SYTL2: variants seen among roughly 807,000 people sequenced by gnomAD.
SYTL2 encodes the protein synaptotagmin-like protein 2.
In SYTL2, 165 loss-of-function variants were observed where a neutral mutation model predicts 198.7. The ratio of observed to expected loss-of-function variants is 0.83; its 90% CI spans 0.73 to 0.94. The LOEUF is 0.94. SYTL2 is among the 40% of genes least tolerant of loss of function. The probability of loss-of-function intolerance (pLI) is 0.00; values close to 1 mark genes in which losing one functional copy is unlikely to be tolerated. For synonymous variants in SYTL2, 966 were observed against 917.7 expected (o/e 1.05, Z -0.95); for missense variants, 2,835 against 2,582.8 (o/e 1.10, Z -2.12).
At position 85,727,959 on chromosome 11, in the gene SYTL2, A is replaced by C; in HGVS notation, c.1399T>G (p.Ser467Ala). ...VLPRSPADEL[S>A]HCVEPEPSQV... ...GATGGCTCAGGCTCAACACAATGAG[A>C]CAGTTCATCTGCAACATAGAAATAC... Residue 467 changes from serine to alanine, a missense_variant, in exon 8 of 20, where the codon TCT becomes GCT. Around this residue, in one of 3 missense-constraint regions of SYTL2, gnomAD observed 2,645 missense variants for 2,381.7 expected, o/e 1.11. Coordinates refer to ENST00000359152, the MANE Select transcript of SYTL2 (RefSeq NM_206927.4). 6.3e-7 allele frequency: 1 copy of C among 1,588,814 alleles called. No individual in the cohort carries two copies. Among genetic ancestry groups the C allele is most frequent in the Non-Finnish European group, 8.5e-7 (1 of 1,172,282 alleles).
chr11:85,773,568 C>T (rs145963105), intron 1 of SYTL2, among the ~76,000 whole-genome samples: 5 of 151,980 alleles, frequency 3.3e-5, no homozygotes, highest in African/African-American at 1.2e-4. Flanking sequence ...TTTCCTTATC[C>T]GTCTCCTTTA....
At chr11:85,737,695 C>G in intron 4 of SYTL2, 39 bp from the exon 5 acceptor site, 1 of 1,547,354 alleles carries the variant, frequency 6.5e-7, no homozygotes, top group Non-Finnish European at 8.9e-7. Context: ...AAAACCTCAC[C>G]TTTTGAGGAA....
At chr11:85,765,110 T>C (rs1213262287) in intron 1 of SYTL2, among the ~76,000 whole-genome samples, 1 of 152,222 alleles carries the variant, frequency 6.6e-6, no homozygotes, top group African/African-American at 2.4e-5. Flanking sequence ...AGAATTGTCT[T>C]GTGACTGGTT....
At chr11:85,831,159 T>C in the SYTL2 span, among the ~76,000 whole-genome samples, 396 of 152,306 alleles carry the variant, frequency 2.6e-3, 3 homozygotes, top group African/African-American at 8.7e-3. Flanking sequence ...TGGATACTCA[T>C]AATTCATCAA....
At chr11:85,816,915 C>CAA in the SYTL2 span, among the ~76,000 whole-genome samples, 19,245 of 80,760 alleles carry the variant, frequency 0.24, 2,353 homozygotes, top group Non-Finnish European at 0.3. Flanking sequence ...AACCCTGTCT[C>CAA]AAAAAAAAAA....
At chr11:85,830,066 G>A in the SYTL2 span, among the ~76,000 whole-genome samples, 1 of 152,184 alleles carries the variant, frequency 6.6e-6, no homozygotes, top group Non-Finnish European at 1.5e-5. Context: ...TTGGGATAAA[G>A]TTACGTCTCA....
rs554230071 is a variant in SYTL2 at position 85,770,881 on chromosome 11, G to A, written c.-389-12767C>T. Reference sequence around the variant, plus strand: ...CATCTCTCATCTGAAGTAGGAAAGAGCCCAGGCTCTAGAGTCAGATAGACC... The same window carrying A: ...CATCTCTCATCTGAAGTAGGAAAGAACCCAGGCTCTAGAGTCAGATAGACC... On this transcript the variant is annotated intron_variant, in intron 1 of 19. Coordinates refer to ENST00000359152, the MANE Select transcript of SYTL2 (RefSeq NM_206927.4). Among the ~76,000 whole-genome samples the A allele has an allele frequency of 7.2e-5, 11 of 152,328 alleles. No individual in the cohort carries two copies. The East Asian group carries it at 2.1e-3, about 29-fold the overall frequency.
At chr11:85,757,017 C>T (rs2091903522) in intron 2 of SYTL2, among the ~76,000 whole-genome samples, 1 of 152,180 alleles carries the variant, frequency 6.6e-6, no homozygotes, top group South Asian at 2.1e-4. Flanking sequence ...GCTTGTTTGA[C>T]AACAAAGGTG....
At chr11:85,773,324 A>G (rs879798283) in intron 1 of SYTL2, among the ~76,000 whole-genome samples, 5 of 152,202 alleles carry the variant, frequency 3.3e-5, no homozygotes, top group Admixed American at 6.5e-5. Context: ...CTCCCGACAC[A>G]GTACCTTGAA....
chr11:85,758,557 A>G (rs2091982439), intron 1 of SYTL2, among the ~76,000 whole-genome samples: 1 of 152,254 alleles, frequency 6.6e-6, no homozygotes, highest in Non-Finnish European at 1.5e-5. Context: ...TATTAACAGG[A>G]GAACTAGTAT....
At chr11:85,781,320 T>G (rs2092556318) in intron 1 of SYTL2, among the ~76,000 whole-genome samples, 1 of 152,084 alleles carries the variant, frequency 6.6e-6, no homozygotes, top group Admixed American at 6.6e-5. Context: ...AACAGCGGCA[T>G]GGGGGTAATC....
rs535973232 is a variant in SYTL2 at position 85,758,044 on chromosome 11, A to G, written c.-319T>C. 1 of 280,978 alleles carries G rather than the reference A, an allele frequency of 3.6e-6. No homozygotes were observed. The highest frequency in any genetic ancestry group is 4.9e-5 in the South Asian group (1 of 20,324). The allele number at this position is 280,978 out of a possible 1,614,324, so 17.4% of individuals were successfully genotyped here. On this transcript the variant is annotated 5_prime_UTR_variant, in exon 2 of 20. Transcript: ENST00000359152. ...CACACTCACTCTCTGGTCCAGTCTT[A>G]GACACAGTTTATTCTCTCTCTGCAC... is the stretch of plus-strand genomic sequence containing the variant.
chr11:85,812,334 G>A (rs893058173), upstream of SYTL2, among the ~76,000 whole-genome samples: 7 of 152,104 alleles, frequency 4.6e-5, no homozygotes, highest in African/African-American at 1.7e-4. Flanking sequence ...ATCCCCAAGG[G>A]CTTCAGTTAG....
At position 85,720,885 on chromosome 11, in the gene SYTL2, G is replaced by A. The variant is rs748661652; in HGVS notation, c.5401C>T (p.Leu1801=). The A allele has an allele frequency of 3.1e-6, 5 of 1,613,024 alleles. No homozygotes were observed. The highest frequency in any genetic ancestry group is 4.2e-6 in the Non-Finnish European group (5 of 1,179,236). Residue 1801 remains leucine (L), a synonymous_variant, in exon 9 of 20, where the codon CTA becomes TTA. Coordinates refer to ENST00000359152, the MANE Select transcript of SYTL2 (RefSeq NM_206927.4). ...GATGAATCTGATGAAATGTCTTCTA[G>A]ACTTTTGGAAGGCATTTTCCTAGCG... is the stretch of plus-strand genomic sequence containing the variant. ...SAARKMPSKS[L]EDISSDSSNQ...
At chr11:85,769,673 T>C (rs139678730) in intron 1 of SYTL2, among the ~76,000 whole-genome samples, 19 of 152,324 alleles carry the variant, frequency 1.2e-4, no homozygotes, top group African/African-American at 4.1e-4. Flanking sequence ...CAAACCCCTA[T>C]TGACTCCAAC....
intron 8 of SYTL2, 100 bp downstream of exon 8, chr11:85,723,932 T>C (rs1396603354): frequency 3.5e-6 from 2 of 577,436 alleles, no homozygotes; most frequent in African/African-American, 2.0e-5. Flanking sequence ...TTTAACATCA[T>C]TTAAGAATAT....
At chr11:85,847,067 G>C in the SYTL2 span, among the ~76,000 whole-genome samples, 108 of 152,284 alleles carry the variant, frequency 7.1e-4, no homozygotes, top group Middle Eastern at 3.4e-3. Context: ...CTTTGTTAAA[G>C]TACAATTTAT....
chr11:85,764,039 C>G (rs143732560), intron 1 of SYTL2, among the ~76,000 whole-genome samples: 138 of 152,368 alleles, frequency 9.1e-4, no homozygotes, highest in African/African-American at 3.2e-3. Context: ...AAGCTGCTAA[C>G]TGCACAGCTG....
intron 4 of SYTL2, among the ~76,000 whole-genome samples, chr11:85,739,253 C>CTTTTT (rs34147924): frequency 1.6e-5 from 2 of 124,424 alleles, no homozygotes; most frequent in African/African-American, 3.1e-5. Flanking sequence ...AGGAGGCTGG[C>CTTTTT]TTTTTTTTTT....
Sources: gnomAD v4.1 joint callset for allele counts (sites outside exome capture counted in the v4.1 genomes callset) on GRCh38, gnomAD v4.1.1 for gene constraint, gnomAD v4.1.1 regional missense constraint, MANE v1.5 for transcripts, NCBI Gene and HGNC (gene_info 2026-07-23, HGNC 2026-07-21) for gene names.